Variants in MYO1F observed in about 807,000 individuals in gnomAD.
MYO1F encodes myosin IF.
MYO1F carries 60 observed loss-of-function variants against 146.6 expected under a neutral mutation model. That is an observed-to-expected ratio of 0.41 (90% CI 0.33 to 0.51). The LOEUF is 0.51. MYO1F is among the 20% of genes least tolerant of loss of function. The pLI is 0.25. For synonymous variants in MYO1F, 602 were observed against 602.1 expected, an observed-to-expected ratio of 1.00 and a Z score of 0.00; for missense variants, 1,274 against 1,534.3, an observed-to-expected ratio of 0.83 and a Z score of 2.83.
intron 4 of MYO1F, among the ~76,000 whole-genome samples, chr19:8,553,782 G>T (rs1453747793): frequency 6.6e-6 from 1 of 151,862 alleles, no homozygotes; most frequent in African/African-American, 2.4e-5. Context: ...TGAGGCAGGA[G>T]AATTGCTTGA....
rs115713483 is a variant in MYO1F at position 8,546,418 on chromosome 19, G to A, written c.1270-682C>T. ...TCTGTTACCCAGGCTGGAACTCAGC[G>A]ATGCGATCCTAGCTCACTGCAACCT... is the stretch of plus-strand genomic sequence containing the variant. On this transcript the variant is annotated intron_variant, in intron 12 of 27. Transcript: ENST00000644032. Among the ~76,000 whole-genome samples the A allele has an allele frequency of 6.1e-3, 928 of 151,568 alleles. 15 individuals carry two copies. Among genetic ancestry groups the A allele is most frequent in the African/African-American group, 0.02 (809 of 41,302 alleles).
chr19:8,553,920 T>TCTCTCTCTCG (rs1329711097), intron 4 of MYO1F, among the ~76,000 whole-genome samples: 24 of 147,864 alleles, frequency 1.6e-4, no homozygotes, highest in African/African-American at 5.6e-4. Context: ...TCTCTCTCTC[T>TCTCTCTCTCG]CTCGCTCTCT....
chr19:8,554,649 C>T lies in MYO1F; in HGVS notation c.231+5G>A. Reference sequence around the variant, plus strand: ...GCTGTGCCTCCCACCCAGCCCCAGCCTCACCGCGCCCTGATAGAGGTCGAT... The same window carrying T: ...GCTGTGCCTCCCACCCAGCCCCAGCTTCACCGCGCCCTGATAGAGGTCGAT... On this transcript the variant is annotated splice_donor_5th_base_variant and intron_variant, in intron 3 of 27. Transcript: ENST00000644032. 1 of 1,613,972 alleles carries T rather than the reference C, an allele frequency of 6.2e-7. No individual in the cohort carries two copies. Among genetic ancestry groups the T allele is most frequent in the South Asian group, 1.1e-5 (1 of 91,080 alleles).
At position 8,530,009 on chromosome 19, in the gene MYO1F, C is replaced by T. The variant is rs3815907; in HGVS notation, c.2328+187G>A. 35,592 of 763,998 alleles carry T rather than the reference C, an allele frequency of 0.047. 2,537 individuals are homozygous for T. Among genetic ancestry groups the T allele is most frequent in the African/African-American group, 0.17 (9,756 of 58,260 alleles). 47.3% of individuals were successfully genotyped at this position (763,998 alleles called of 1,614,324 possible). ...AGGTGAGGGTATACCTGTGATGGAA[C>T]AGATGGATCTAGGCTGGGGGATCTA... On this transcript the variant is annotated intron_variant, in intron 21 of 27. Coordinates refer to ENST00000644032, the MANE Select transcript of MYO1F (RefSeq NM_012335.4). The surrounding 1 kb of genome is among the most constrained non-coding windows in gnomAD (Gnocchi z 5.8).
In MYO1F at chr19:8,575,680, C is replaced by G. The variant is rs1264773126; in HGVS notation, c.3+1627G>C. ...ATCTTCCTGGCATTCACCACTCCTC[C>G]AGGAAGATTTCAGCATCCCCAGACA... On this transcript the variant is annotated intron_variant, in intron 1 of 27. Coordinates refer to ENST00000644032, the MANE Select transcript of MYO1F (RefSeq NM_012335.4). Among the ~76,000 whole-genome samples, 5 of 152,230 alleles carry G rather than the reference C, an allele frequency of 3.3e-5. No individual in the cohort carries two copies. The South Asian group carries it at 1.0e-3, about 32-fold the overall frequency.
intron 3 of MYO1F, 35 bp downstream of exon 3, chr19:8,554,619 T>C: frequency 6.2e-7 from 1 of 1,612,186 alleles, no homozygotes; most frequent in South Asian, 1.1e-5. Context: ...GCCAGGAGTC[T>C]GGGGGCTGTG....
intron 1 of MYO1F, among the ~76,000 whole-genome samples, chr19:8,567,739 C>T (rs2042031120): frequency 6.6e-6 from 1 of 152,202 alleles, no homozygotes; most frequent in Non-Finnish European, 1.5e-5. Context: ...GCAGAGAGGA[C>T]CTTGGGGAGG....
intron 16 of MYO1F, among the ~76,000 whole-genome samples, chr19:8,538,006 T>G (rs1007770773): frequency 1.3e-5 from 2 of 151,936 alleles, no homozygotes; most frequent in Non-Finnish European, 2.9e-5. Context: ...AAAATCTCGC[T>G]CTGTTGCCAG....
In MYO1F at chr19:8,548,385, C is replaced by T; in HGVS notation, c.1102-68G>A. 3 of 1,469,328 alleles carry T rather than the reference C, an allele frequency of 2.0e-6. No individual in the cohort carries two copies. In the South Asian group the frequency reaches 3.4e-5, roughly 17 times the overall value. 91.0% of individuals were successfully genotyped at this position (1,469,328 alleles called of 1,614,324 possible). A position where few individuals can be genotyped will look rare whatever the true frequency, so the allele number is the denominator to read the frequency against. ...GATCTGAAGCCCCTGCCCACCACTC[C>T]TTAGACACACGCCTAGCCAACTTCA... On this transcript the variant is annotated intron_variant, in intron 10 of 27. Transcript: ENST00000644032.
intron 16 of MYO1F, among the ~76,000 whole-genome samples, chr19:8,537,929 A>G (rs1174539649): frequency 6.6e-6 from 1 of 151,624 alleles, no homozygotes; most frequent in East Asian, 1.9e-4. Context: ...AACTGTGTGT[A>G]TGCCTGAGAG....
At chr19:8,575,078 CTTTT>C (rs576218913) in intron 1 of MYO1F, among the ~76,000 whole-genome samples, 6 of 135,552 alleles carry the variant, frequency 4.4e-5, no homozygotes, top group Non-Finnish European at 3.2e-5. Context: ...TTTTCTTTTT[CTTTT>C]TTTTTTTTTT....
intron 15 of MYO1F, chr19:8,541,682 G>C (rs567777789): frequency 3.6e-6 from 2 of 562,324 alleles, no homozygotes; most frequent in South Asian, 3.8e-5. Flanking sequence ...GTCCACTTCG[G>C]CCTCCCAAAG....
intron 13 of MYO1F, among the ~76,000 whole-genome samples, chr19:8,545,018 TCCA>T (rs1973280736): frequency 6.6e-6 from 1 of 152,182 alleles, no homozygotes; most frequent in Non-Finnish European, 1.5e-5. Flanking sequence ...CCTCAGGTGA[TCCA>T]CCTGCCTTGG....
intron 1 of MYO1F, among the ~76,000 whole-genome samples, chr19:8,561,028 C>T (rs556590000): frequency 4.6e-5 from 7 of 151,790 alleles, no homozygotes; most frequent in African/African-American, 9.7e-5. Flanking sequence ...TGAGCCACTG[C>T]GCCTGGCCAC....
rs1163278959 is a variant in MYO1F at position 8,536,594 on chromosome 19, G to T, written c.1803C>A (p.Val601=). The T allele has an allele frequency of 1.4e-5, 20 of 1,434,290 alleles. No individual in the cohort carries two copies. The highest frequency in any genetic ancestry group is 1.6e-5 in the Non-Finnish European group (17 of 1,070,144). The allele number at this position is 1,434,290 out of a possible 1,614,324, so 88.8% of individuals were successfully genotyped here. A position where few individuals can be genotyped will look rare whatever the true frequency, so the allele number is the denominator to read the frequency against. Residue 601 remains valine (V), a synonymous_variant, in exon 18 of 28, where the codon GTC becomes GTA. Coordinates refer to ENST00000644032, the MANE Select transcript of MYO1F (RefSeq NM_012335.4). ...GGCCCAGGTATTCCACCTGGTGCTT[G>T]ACTCTGGTGGGGAGGGTAGGCTGAG... ...KRPRDWEENR[V]KHQVEYLGLK...
intron 22 of MYO1F, 56 bp downstream of exon 22, chr19:8,527,282 G>A: frequency 6.2e-7 from 1 of 1,611,298 alleles, no homozygotes; most frequent in South Asian, 1.1e-5. Flanking sequence ...ACTAGAATGA[G>A]GGCAGCCAGG....
At chr19:8,564,647 C>G (rs1444952895) in intron 1 of MYO1F, among the ~76,000 whole-genome samples, 1 of 151,398 alleles carries the variant, frequency 6.6e-6, no homozygotes, top group Non-Finnish European at 1.5e-5. Flanking sequence ...AAGAGGGGCC[C>G]CAGGGTCAGA....
chr19:8,532,781 C>T (rs535759345), intron 19 of MYO1F, among the ~76,000 whole-genome samples: 26 of 151,660 alleles, frequency 1.7e-4, no homozygotes, highest in African/African-American at 4.6e-4. Context: ...CCAGCTATTC[C>T]GGAGGGTGAG....
chr19:8,538,900 G>T (rs924505141), intron 16 of MYO1F, among the ~76,000 whole-genome samples: 1 of 152,180 alleles, frequency 6.6e-6, no homozygotes, highest in Admixed American at 6.6e-5. Flanking sequence ...TTCAGTTTGG[G>T]AAGATGAGAA....
Sources: gnomAD v4.1 joint callset for allele counts (sites outside exome capture counted in the v4.1 genomes callset) on GRCh38, gnomAD v4.1.1 for gene constraint, Gnocchi (gnomAD v3.1) non-coding constraint, MANE v1.5 for transcripts, NCBI Gene and HGNC (gene_info 2026-07-23, HGNC 2026-07-21) for gene names.